LAMA2: variants seen among roughly 807,000 people sequenced by gnomAD.
The protein encoded by LAMA2 is laminin subunit alpha 2, also known as laminin subunit alpha-2.
In LAMA2, 269 loss-of-function variants were observed where a neutral mutation model predicts 364.8. The observed-to-expected ratio is 0.74, with a 90% CI of 0.67 to 0.82. LAMA2 has a LOEUF of 0.82. Ranked by LOEUF, LAMA2 falls within the 40% of genes least tolerant of loss-of-function variation. LAMA2 has a pLI of 0.00. For synonymous variants in LAMA2, 1,379 were observed against 1,370.6 expected, an observed-to-expected ratio of 1.01 and a Z score of -0.14; for missense variants, 3,807 against 3,873.2, an observed-to-expected ratio of 0.98 and a Z score of 0.45.
intron 35 of LAMA2, among the ~76,000 whole-genome samples, chr6:129,386,363 A>G (rs1779017527): frequency 6.6e-6 from 1 of 152,056 alleles, no homozygotes; most frequent in South Asian, 2.1e-4. Flanking sequence ...GTATATAAAC[A>G]TAAAACTGTA....
At chr6:129,006,502 C>A (rs191053038) in intron 1 of LAMA2, among the ~76,000 whole-genome samples, 1 of 152,146 alleles carries the variant, frequency 6.6e-6, no homozygotes, top group African/African-American at 2.4e-5. Flanking sequence ...GTCCCATTCA[C>A]CCATTTATCC....
intron 1 of LAMA2, among the ~76,000 whole-genome samples, chr6:128,901,758 T>G (rs1777097873): frequency 6.6e-6 from 1 of 152,220 alleles, no homozygotes. Flanking sequence ...AAAGAAGTAT[T>G]TAATATTAAT....
At chr6:129,269,623 A>T (rs1369785536) in intron 16 of LAMA2, among the ~76,000 whole-genome samples, 1 of 152,120 alleles carries the variant, frequency 6.6e-6, no homozygotes, top group Non-Finnish European at 1.5e-5. Context: ...TCAATTTTTT[A>T]AAACCCTTAA....
chr6:128,900,710 C>T (rs1303546906), intron 1 of LAMA2, among the ~76,000 whole-genome samples: 1 of 152,184 alleles, frequency 6.6e-6, no homozygotes, highest in Non-Finnish European at 1.5e-5. Context: ...AAAATACGCC[C>T]TGCTGCTTTC....
chr6:128,935,139 G>A (rs1254087579), intron 1 of LAMA2, among the ~76,000 whole-genome samples: 32 of 152,076 alleles, frequency 2.1e-4, no homozygotes. Flanking sequence ...AGGTATACAT[G>A]TGCCATGTTG....
intron 12 of LAMA2, among the ~76,000 whole-genome samples, chr6:129,228,186 G>T (rs1784448750): frequency 6.6e-6 from 1 of 152,154 alleles, no homozygotes; most frequent in Non-Finnish European, 1.5e-5. Context: ...GAAAAGCGTG[G>T]TATTAGGGTG....
chr6:129,294,308 A>G (rs1228845551), intron 20 of LAMA2, among the ~76,000 whole-genome samples: 5 of 152,206 alleles, frequency 3.3e-5, no homozygotes, highest in Admixed American at 3.3e-4. Context: ...GCTCATCTTA[A>G]TTCATTCAGA....
chr6:129,335,268 C>A (rs960280136), intron 29 of LAMA2, among the ~76,000 whole-genome samples: 1 of 151,910 alleles, frequency 6.6e-6, no homozygotes, highest in African/African-American at 2.4e-5. Flanking sequence ...TTTTTGAAGA[C>A]TAAAACCTAT....
chr6:129,168,030 ATTTG>A (rs551423389), intron 9 of LAMA2, among the ~76,000 whole-genome samples: 1 of 148,968 alleles, frequency 6.7e-6, no homozygotes, highest in Non-Finnish European at 1.5e-5. Context: ...TTTCTTGTAA[ATTTG>A]TTTGAGTTCA....
intron 1 of LAMA2, among the ~76,000 whole-genome samples, chr6:128,930,789 C>T (rs1000476492): frequency 6.6e-6 from 1 of 152,146 alleles, no homozygotes; most frequent in Non-Finnish European, 1.5e-5. Context: ...ATATAAATTC[C>T]TTATGAAAAT....
At chr6:129,510,758 A>AT (rs553129363) in intron 62 of LAMA2, among the ~76,000 whole-genome samples, 3 of 152,116 alleles carry the variant, frequency 2.0e-5, no homozygotes, top group Non-Finnish European at 4.4e-5. Context: ...GCTTCAGGTG[A>AT]TTTTAACACT....
intron 12 of LAMA2, among the ~76,000 whole-genome samples, chr6:129,196,874 TA>T (rs1302880745): frequency 6.6e-6 from 1 of 152,034 alleles, no homozygotes; most frequent in African/African-American, 2.4e-5. Flanking sequence ...AAACCAAAAA[TA>T]AAATTCTAAG....
chr6:129,023,096 C>G (rs908795761), intron 1 of LAMA2, among the ~76,000 whole-genome samples: 11 of 152,148 alleles, frequency 7.2e-5, no homozygotes, highest in African/African-American at 2.7e-4. Flanking sequence ...ATCCATGTTC[C>G]TGCTGCCTCA....
intron 1 of LAMA2, among the ~76,000 whole-genome samples, chr6:128,908,422 T>C (rs1582648119): frequency 3.3e-5 from 5 of 150,196 alleles, no homozygotes; most frequent in African/African-American, 1.2e-4. Context: ...TTTATTTGCG[T>C]AGAGGTGTTT....
intron 51 of LAMA2, 118 bp downstream of exon 51, chr6:129,465,407 A>T: frequency 1.1e-6 from 1 of 870,514 alleles, no homozygotes; most frequent in South Asian, 1.4e-5. Context: ...GTTCAGTGAA[A>T]AATTTATACA....
intron 9 of LAMA2, among the ~76,000 whole-genome samples, chr6:129,177,028 A>C (rs1452724388): frequency 6.6e-6 from 1 of 151,354 alleles, no homozygotes. Flanking sequence ...CTTTCTCCAG[A>C]TTTTGAAGGT....
chr6:128,985,071 A>C (rs1783133914), intron 1 of LAMA2, among the ~76,000 whole-genome samples: 1 of 152,150 alleles, frequency 6.6e-6, no homozygotes, highest in Non-Finnish European at 1.5e-5. Context: ...TGATAAGTAC[A>C]GCTTTTTAAA....
chr6:129,342,401 G>A lies in LAMA2; in HGVS notation c.4370G>A (p.Gly1457Glu). Residue 1457 changes from glycine (G) to glutamate (E), a missense_variant, in exon 30 of 65, where the codon GGA (glycine) becomes GAA (glutamate). Around this residue, in one of 3 missense-constraint regions of LAMA2, gnomAD observed 3,333 missense variants for 3,345.7 expected, o/e 1.00. Coordinates refer to ENST00000421865, the MANE Select transcript of LAMA2 (RefSeq NM_000426.4). The part of the protein sequence containing the change: ...FCERCALGYY[G>E]IVKGLPNDCQ... ...GAACGATGTGCTCTTGGATACTATG[G>A]AATTGTCAAGGGATTGCCAAATGAC... The A allele has an allele frequency of 1.2e-6, 2 of 1,613,296 alleles. No homozygotes were observed. The highest frequency in any genetic ancestry group is 1.7e-6 in the Non-Finnish European group (2 of 1,179,378).
intron 23 of LAMA2, among the ~76,000 whole-genome samples, chr6:129,314,127 G>A (rs1034540644): frequency 2.3e-4 from 35 of 152,124 alleles, no homozygotes; most frequent in South Asian, 2.1e-4. Flanking sequence ...CAGGCCGGGC[G>A]TGGTGGCTCA....
Sources: gnomAD v4.1 joint callset for allele counts (sites outside exome capture counted in the v4.1 genomes callset) on GRCh38, gnomAD v4.1.1 for gene constraint, gnomAD v4.1.1 regional missense constraint, MANE v1.5 for transcripts, NCBI Gene and HGNC (gene_info 2026-07-23, HGNC 2026-07-21) for gene names.